The following HYAL4 variants were observed in gnomAD, a reference collection of about 807,000 sequenced individuals.
The protein encoded by HYAL4 is hyaluronidase 4, also known as hyaluronidase-4.
A neutral mutation model predicts 35.2 loss-of-function variants in HYAL4; 37 were observed. That is an observed-to-expected ratio of 1.05 (90% CI 0.81 to 1.38). The LOEUF is 1.38. Ranked by LOEUF, HYAL4 falls within the 40% of genes most tolerant of loss-of-function variation. The probability of loss-of-function intolerance (pLI) is 0.00; values close to 1 mark genes in which losing one functional copy is unlikely to be tolerated. For missense variants in HYAL4, 572 were observed against 572.4 expected (o/e 1.00, Z 0.01); for synonymous variants, 198 against 203.2 (o/e 0.97, Z 0.22).
the HYAL4 span, among the ~76,000 whole-genome samples, chr7:123,795,487 G>A: frequency 0.1 from 15,206 of 152,106 alleles, 842 homozygotes; most frequent in East Asian, 0.15. Context: ...GGAGGGTTCC[G>A]ATGGGAGGTA....
the HYAL4 span, among the ~76,000 whole-genome samples, chr7:123,823,707 TATATATATACACATATATATTTTATA>T: frequency 5.8e-5 from 8 of 137,614 alleles, no homozygotes; most frequent in Non-Finnish European, 9.1e-5. Context: ...CATATATATT[TATATATATACACATATATATTTTATA>T]TATATATATA....
intron 1 of HYAL4, chr7:123,829,232 G>A (rs559339150): frequency 4.6e-5 from 7 of 152,398 alleles, no homozygotes; most frequent in East Asian, 1.9e-4. Context: ...CTGCTATTAC[G>A]GCTGGCATGG....
At chr7:123,828,712 CA>C (rs1805836938), upstream of HYAL4, among the ~76,000 whole-genome samples, 1 of 152,114 alleles carries the variant, frequency 6.6e-6, no homozygotes, top group African/African-American at 2.4e-5. Context: ...TTTACTGGGA[CA>C]CTGTGAGATC....
the HYAL4 span, among the ~76,000 whole-genome samples, chr7:123,786,075 A>AG: frequency 6.6e-6 from 1 of 152,226 alleles, no homozygotes; most frequent in African/African-American, 2.4e-5. Flanking sequence ...TCCAAAATGC[A>AG]GGCCATAATA....
At chr7:123,870,623 G>A (rs1806852039) in intron 3 of HYAL4, among the ~76,000 whole-genome samples, 1 of 152,008 alleles carries the variant, frequency 6.6e-6, no homozygotes, top group African/African-American at 2.4e-5. Context: ...TTAGCTAGGT[G>A]TGGTGGTGGG....
At chr7:123,870,169 A>G (rs2116960880) in intron 3 of HYAL4, among the ~76,000 whole-genome samples, 1 of 152,330 alleles carries the variant, frequency 6.6e-6, no homozygotes. Flanking sequence ...CAACTCACCA[A>G]TATCTGTTAA....
the HYAL4 span, among the ~76,000 whole-genome samples, chr7:123,791,913 G>C: frequency 6.6e-6 from 1 of 152,160 alleles, no homozygotes; most frequent in African/African-American, 2.4e-5. Flanking sequence ...CCAAGTCCAA[G>C]CACGTGAAGA....
At chr7:123,848,498 C>A (rs2116925101) in intron 2 of HYAL4, among the ~76,000 whole-genome samples, 1 of 152,240 alleles carries the variant, frequency 6.6e-6, no homozygotes, top group Admixed American at 6.5e-5. Context: ...GCATTACTAA[C>A]CTTAACTTGT....
chr7:123,771,804 GTT>G, the HYAL4 span, among the ~76,000 whole-genome samples: 36 of 136,684 alleles, frequency 2.6e-4, no homozygotes, highest in African/African-American at 4.3e-4. Flanking sequence ...TTGGTTTGAG[GTT>G]TTTTTTTTTT....
At chr7:123,814,217 A>G in the HYAL4 span, 3 of 152,580 alleles carry the variant, frequency 2.0e-5, no homozygotes, top group African/African-American at 4.8e-5. Context: ...CAAACCAGCA[A>G]TGCCTCCGGT....
At chr7:123,765,625 GA>G in the HYAL4 span, among the ~76,000 whole-genome samples, 1 of 151,996 alleles carries the variant, frequency 6.6e-6, no homozygotes, top group Non-Finnish European at 1.5e-5. Flanking sequence ...TGCAATAAAA[GA>G]AAAAATAACT....
chr7:123,794,494 T>G, the HYAL4 span, among the ~76,000 whole-genome samples: 2 of 152,180 alleles, frequency 1.3e-5, no homozygotes, highest in African/African-American at 4.8e-5. Context: ...GCCCATCCCC[T>G]GACCCCCTCT....
chr7:123,830,940 C>T (rs1805874379), intron 1 of HYAL4, among the ~76,000 whole-genome samples: 1 of 151,818 alleles, frequency 6.6e-6, no homozygotes, highest in South Asian at 2.1e-4. Flanking sequence ...TCTTTTTTGC[C>T]TCATATTATG....
chr7:123,850,086 A>G (rs540442045), intron 2 of HYAL4, among the ~76,000 whole-genome samples: 1 of 151,550 alleles, frequency 6.6e-6, no homozygotes, highest in African/African-American at 2.4e-5. Flanking sequence ...TGTTAGAATC[A>G]TTGTTACTTG....
intron 1 of HYAL4, among the ~76,000 whole-genome samples, chr7:123,832,625 G>A (rs1342641921): frequency 2.7e-5 from 4 of 148,972 alleles, no homozygotes; most frequent in African/African-American, 4.9e-5. Flanking sequence ...TCAGCCTCCC[G>A]AATAACTGGG....
chr7:123,784,524 G>A, the HYAL4 span, among the ~76,000 whole-genome samples: 1 of 152,152 alleles, frequency 6.6e-6, no homozygotes. Context: ...GCTAAAGAAA[G>A]GAATGAGAAG....
At chr7:123,811,240 A>T in the HYAL4 span, among the ~76,000 whole-genome samples, 3 of 152,122 alleles carry the variant, frequency 2.0e-5, no homozygotes. Context: ...TGGTAAGAGT[A>T]TATGTAATTT....
chr7:123,857,730 TTTC>T (rs1203541068), intron 2 of HYAL4, among the ~76,000 whole-genome samples: 7 of 144,092 alleles, frequency 4.9e-5, no homozygotes, highest in African/African-American at 1.5e-4. Flanking sequence ...TCTTTCTTTC[TTTC>T]AATAGAAACA....
chr7:123,781,445 A>G, the HYAL4 span, among the ~76,000 whole-genome samples: 1 of 141,244 alleles, frequency 7.1e-6, no homozygotes, highest in Non-Finnish European at 1.5e-5. Flanking sequence ...TACTAAGGGA[A>G]CTCAGAGGCT....
Sources: gnomAD v4.1 joint callset for allele counts (sites outside exome capture counted in the v4.1 genomes callset) on GRCh38, gnomAD v4.1.1 for gene constraint, MANE v1.5 for transcripts, NCBI Gene and HGNC (gene_info 2026-07-23, HGNC 2026-07-21) for gene names.